VEZT: variants seen among roughly 807,000 people sequenced by gnomAD.
VEZT encodes vezatin, adherens junctions transmembrane protein.
In VEZT, 39 loss-of-function variants were observed where a neutral mutation model predicts 79.9. The observed-to-expected ratio is 0.49, with a 90% CI of 0.38 to 0.64. VEZT has a LOEUF of 0.64. Among genes scored for constraint, VEZT ranks in the 30% least tolerant of loss-of-function variants. The pLI is 0.00. For synonymous variants in VEZT, 325 were observed against 327.6 expected, an observed-to-expected ratio of 0.99 and a Z score of 0.09; for missense variants, 837 against 893.1, an observed-to-expected ratio of 0.94 and a Z score of 0.80.
intron 1 of VEZT, among the ~76,000 whole-genome samples, chr12:95,221,055 T>G (rs61937949): frequency 0.11 from 17,099 of 152,236 alleles, 1,417 homozygotes; most frequent in African/African-American, 0.24. Context: ...GGTATCTCCT[T>G]GTGGTTTTAA....
Position 95,300,602 on chromosome 12 carries a change from G to A in VEZT, c.2269G>A (p.Glu757Lys). The part of the protein sequence containing the change: ...ARSLSFTTMQ[E>K]QTFGGEEEEQ... ...ATCTCTCTCCTTTACCACCATGCAG[G>A]AACAGACTTTTGGTGGTGAGGAGGA... Residue 757 changes from glutamate (E) to lysine (K), a missense_variant, in exon 12 of 12, where the codon GAA (glutamate) becomes AAA (lysine). Transcript: ENST00000436874. 6.2e-7 allele frequency: 1 copy of A among 1,612,480 alleles called. No homozygotes were observed. The highest frequency in any genetic ancestry group is 8.5e-7 in the Non-Finnish European group (1 of 1,179,050).
At chr12:95,296,377 C>T (rs2074137749) in intron 11 of VEZT, 119 bp downstream of exon 11, 3 of 832,482 alleles carry the variant, frequency 3.6e-6, no homozygotes, top group Non-Finnish European at 5.3e-6. Context: ...CACCAGTATG[C>T]ATAGTACTTT....
chr12:95,258,555 G>GT (rs200759415), intron 3 of VEZT, among the ~76,000 whole-genome samples: 1,612 of 152,208 alleles, frequency 0.011, 22 homozygotes, highest in Non-Finnish European at 0.016. Flanking sequence ...TGATTGTGAC[G>GT]TATTTAAAAT....
chr12:95,230,530 C>T (rs1339511105), intron 1 of VEZT, among the ~76,000 whole-genome samples: 5 of 151,282 alleles, frequency 3.3e-5, no homozygotes, highest in African/African-American at 4.9e-5. Context: ...CTATCCTCTC[C>T]TCTCACCTCA....
At chr12:95,265,169 C>G (rs1454649578) in intron 4 of VEZT, among the ~76,000 whole-genome samples, 1 of 152,014 alleles carries the variant, frequency 6.6e-6, no homozygotes, top group African/African-American at 2.4e-5. Context: ...CCCCCTCTTT[C>G]TTATATATAC....
intron 1 of VEZT, among the ~76,000 whole-genome samples, chr12:95,235,907 C>T (rs1178838296): frequency 4.6e-5 from 7 of 151,090 alleles, no homozygotes; most frequent in African/African-American, 1.5e-4. Context: ...GATGGGCAGC[C>T]GGGCAGAGAC....
chr12:95,217,874 G>C lies in VEZT; in HGVS notation c.24G>C (p.Glu8Asp), dbSNP rs2056914417. The C allele has an allele frequency of 6.5e-7, 1 of 1,528,048 alleles. No homozygotes were observed. Among genetic ancestry groups the C allele is most frequent in the Non-Finnish European group, 8.7e-7 (1 of 1,143,052 alleles). The allele number at this position is 1,528,048 out of a possible 1,614,324, so 94.7% of individuals were successfully genotyped here. A position where few individuals can be genotyped will look rare whatever the true frequency, so the allele number is the denominator to read the frequency against. The stretch of plus-strand genomic sequence containing the variant: ...GGATGACACCGGAGTTTGACGAAGA[G>C]GTGGTTTTTGAGGTAAGAGGAAAAT... MTPEFDEEVVFENSPLYQ... is the reference protein window; with the variant it reads MTPEFDEDVVFENSPLYQ... The change falls in exon 1 of 12, where the codon GAG becomes GAC. Residue 8 changes from glutamate (E) to aspartate (D), a missense_variant. Transcript: ENST00000436874.
At chr12:95,240,073 G>GAAAGA (rs1555246828) in intron 1 of VEZT, among the ~76,000 whole-genome samples, 4,816 of 98,974 alleles carry the variant, frequency 0.049, 198 homozygotes, top group Non-Finnish European at 0.075. Flanking sequence ...AGGAAGGAAG[G>GAAAGA]AAGAAAAGAA....
intron 2 of VEZT, among the ~76,000 whole-genome samples, chr12:95,254,217 T>C (rs1249913705): frequency 6.6e-6 from 1 of 151,660 alleles, no homozygotes; most frequent in Admixed American, 6.6e-5. Context: ...GGTCTCAAAC[T>C]CCTGACTTCA....
chr12:95,271,026 A>T (rs1425293586), intron 6 of VEZT, among the ~76,000 whole-genome samples: 1 of 152,186 alleles, frequency 6.6e-6, no homozygotes, highest in African/African-American at 2.4e-5. Flanking sequence ...TCATATCCTT[A>T]TACAAACCTT....
chr12:95,244,153 T>C, intron 1 of VEZT: 1 of 348,678 alleles, frequency 2.9e-6, no homozygotes, highest in African/African-American at 2.1e-5. Flanking sequence ...CCCAGTGCTT[T>C]GGGCCGAGGT....
intron 5 of VEZT, among the ~76,000 whole-genome samples, chr12:95,268,247 G>C (rs2065900904): frequency 6.6e-6 from 1 of 152,154 alleles, no homozygotes; most frequent in Non-Finnish European, 1.5e-5. Flanking sequence ...TGTAATCCCA[G>C]CACTTTGGGA....
chr12:95,283,208 T>C (rs10859866), intron 8 of VEZT, among the ~76,000 whole-genome samples: 113,720 of 152,168 alleles, frequency 0.75, 43,478 homozygotes, highest in African/African-American at 0.92. Context: ...ATTGTTGGTA[T>C]ACTACCTTAA....
Position 95,252,068 on chromosome 12 carries a change from A to C in VEZT, c.165A>C (p.Pro55=), listed in dbSNP as rs1373213801. The C allele has an allele frequency of 1.9e-6, 3 of 1,603,696 alleles. No homozygotes were observed. The highest frequency in any genetic ancestry group is 1.3e-5 in the African/African-American group (1 of 74,184). ...AAAAGCCTCCTACAAGAGTCCTACCAAAAGTAAGAACGCATGCTCATTCTT... is the reference window on the plus strand; with the variant it reads ...AAAAGCCTCCTACAAGAGTCCTACCCAAAGTAAGAACGCATGCTCATTCTT... ...GQQKPPTRVL[P]KQGILLKVAE... is the part of the protein sequence containing the mutation. The change falls in exon 2 of 12, where the codon CCA becomes CCC. Residue 55 remains proline, a synonymous_variant. Transcript: ENST00000436874.
chr12:95,300,224 T>C lies in VEZT; in HGVS notation c.1891T>C (p.Ser631Pro). The C allele has an allele frequency of 1.3e-6, 2 of 1,563,284 alleles. No individual in the cohort carries two copies. Among genetic ancestry groups the C allele is most frequent in the Non-Finnish European group, 1.7e-6 (2 of 1,153,616 alleles). ...GGAACCCATAAGTAATTCAGAACCA[T>C]CAATGAATTCAGATATGGGAAAAGT... ...PVEPISNSEP[S>P]MNSDMGKVSK... The change falls in exon 12 of 12, where the codon TCA becomes CCA. Residue 631 changes from serine (S) to proline (P), a missense_variant. Transcript: ENST00000436874.
At chr12:95,265,121 A>G (rs2065288309) in intron 4 of VEZT, among the ~76,000 whole-genome samples, 1 of 152,044 alleles carries the variant, frequency 6.6e-6, no homozygotes, top group East Asian at 1.9e-4. Flanking sequence ...TGTGCCTCTC[A>G]AAGTGCTGAG....
At chr12:95,222,376 A>G (rs1259940676) in intron 1 of VEZT, among the ~76,000 whole-genome samples, 5 of 152,162 alleles carry the variant, frequency 3.3e-5, no homozygotes, top group African/African-American at 1.2e-4. Context: ...TGTCCAGTTG[A>G]CCTGGCACCA....
In VEZT at chr12:95,265,777, C is replaced by T. The variant is rs138174327; in HGVS notation, c.435-580C>T. Among the ~76,000 whole-genome samples, 658 of 151,966 alleles carry T rather than the reference C, an allele frequency of 4.3e-3. 3 individuals are homozygous for T. The highest frequency in any genetic ancestry group is 8.0e-3 in the Admixed American group (122 of 15,264). ...ACTTGGTGTCAGAGGAAGGTTTGAA[C>T]GCATAGGATTTTGGTATTAAATATA... On this transcript the variant is annotated intron_variant, in intron 4 of 11. Coordinates refer to ENST00000436874, the MANE Select transcript of VEZT (RefSeq NM_017599.4).
At chr12:95,261,238 G>A (rs2064421992) in intron 3 of VEZT, among the ~76,000 whole-genome samples, 1 of 152,120 alleles carries the variant, frequency 6.6e-6, no homozygotes, top group Non-Finnish European at 1.5e-5. Context: ...GGCCTGGAAT[G>A]TGTGGTGTGG....
Sources: allele counts gnomAD v4.1 joint callset (sites outside exome capture counted in the v4.1 genomes callset), GRCh38; gene constraint gnomAD v4.1.1; transcripts MANE v1.5; gene names NCBI Gene and HGNC (gene_info 2026-07-23, HGNC 2026-07-21).